The following ATAT1 variants were observed in gnomAD, a reference collection of about 807,000 sequenced individuals.
The protein encoded by ATAT1 is alpha tubulin acetyltransferase 1, also known as alpha-tubulin N-acetyltransferase 1.
In ATAT1, 42 loss-of-function variants were observed where a neutral mutation model predicts 57.2. The observed-to-expected ratio is 0.73, with a 90% confidence interval of 0.57 to 0.95. ATAT1 has a LOEUF of 0.95. ATAT1 is among the 40% of genes least tolerant of loss of function. The pLI is 0.00. For synonymous variants in ATAT1, 168 were observed against 187.1 expected (o/e 0.90, Z 0.83); for missense variants, 454 against 523.7 (o/e 0.87, Z 1.30).
Position 30,645,883 on chromosome 6 carries a change from T to C in ATAT1, c.933-12T>C. 6.8e-7 allele frequency: 1 copy of C among 1,473,772 alleles called. No individual in the cohort carries two copies. The highest frequency in any genetic ancestry group is 9.0e-7 in the Non-Finnish European group (1 of 1,112,672). The allele number at this position is 1,473,772 out of a possible 1,614,324, so 91.3% of individuals were successfully genotyped here. ...GTAGCCTCCTCCCCATCATCTCCCA[T>C]TTCTTCTACAGGGGGACTCCCCCAG... is the stretch of plus-strand genomic sequence containing the variant. On this transcript the variant is annotated splice_polypyrimidine_tract_variant and intron_variant, in intron 10 of 12. Transcript: ENST00000330083.
intron 10 of ATAT1, chr6:30,643,316 T>G: frequency 7.1e-7 from 1 of 1,414,390 alleles, no homozygotes; most frequent in Non-Finnish European, 9.2e-7. Context: ...ATTGGGAAAA[T>G]CTTCGCTTAA....
intron 12 of ATAT1, 35 bp downstream of exon 12, chr6:30,646,144 C>T (rs752981735): frequency 6.3e-7 from 1 of 1,596,802 alleles, no homozygotes. Context: ...CAGCCTCCCA[C>T]CACCATCTGA....
Position 30,642,929 on chromosome 6 carries a change from C to T in ATAT1, c.850C>T (p.Arg284Cys), listed in dbSNP as rs770015289. 4.4e-6 allele frequency: 7 copies of T among 1,608,794 alleles called. No homozygotes were observed. The highest frequency in any genetic ancestry group is 2.3e-5 in the East Asian group (1 of 44,442). The change falls in exon 10 of 13, where the codon CGC becomes TGC. Residue 284 changes from arginine to cysteine, a missense_variant. Arg to Cys is a radical substitution (Grantham distance 180). This residue lies in a region of ATAT1 where 216 missense variants were observed against 222.2 expected (regional missense o/e 0.97). Coordinates refer to ENST00000330083, the MANE Select transcript of ATAT1 (RefSeq NM_001031722.4). ...AGAGCAGGAGCTGCTGCGTTCCTTGCGCCTCTGCCCCCCACACCCTACCGC... is the reference window on the plus strand; with the variant it reads ...AGAGCAGGAGCTGCTGCGTTCCTTGTGCCTCTGCCCCCCACACCCTACCGC...
chr6:30,642,833 G>GGGGGGGCGCCCCCCCCCCCCCCCCCCC lies in ATAT1; in HGVS notation c.754_755insGGGGGGCGCCCCCCCCCCCCCCCCCCC (p.Ala252delinsGlyGlyAlaProProProProProProPro). 2 of 1,537,874 alleles carry GGGGGGGCGCCCCCCCCCCCCCCCCCCC rather than the reference G, an allele frequency of 1.3e-6. No homozygotes were observed. Among genetic ancestry groups the GGGGGGGCGCCCCCCCCCCCCCCCCCCC allele is most frequent in the Non-Finnish European group, 1.7e-6 (2 of 1,145,780 alleles). ...GGCCCCTCGCCGCGCCACACCTCCA[G>GGGGGGGCGCCCCCCCCCCCCCCCCCCC]CCCACCCACCCCCCCGCTCCAGCAG... On this transcript the variant is annotated protein_altering_variant, in exon 10 of 13. Coordinates refer to ENST00000330083, the MANE Select transcript of ATAT1 (RefSeq NM_001031722.4).
At chr6:30,630,921 A>G (rs1582766031) in intron 6 of ATAT1, among the ~76,000 whole-genome samples, 1 of 151,896 alleles carries the variant, frequency 6.6e-6, no homozygotes, top group African/African-American at 2.4e-5. Flanking sequence ...CTGGGGGACG[A>G]AGCGAGACTC....
Position 30,642,969 on chromosome 6 carries a change from C to T in ATAT1, c.890C>T (p.Ala297Val). The T allele has an allele frequency of 6.2e-7, 1 of 1,614,070 alleles. No individual in the cohort carries two copies. Among genetic ancestry groups the T allele is most frequent in the East Asian group, 2.2e-5 (1 of 44,872 alleles). Reference sequence around the variant, plus strand: ...CACCCTACCGCCCGCCTTCTGTTGGCTGCTGACCCTGGGGGCAGCCCAGCT... The same window carrying T: ...CACCCTACCGCCCGCCTTCTGTTGGTTGCTGACCCTGGGGGCAGCCCAGCT... Residue 297 changes from alanine to valine, a missense_variant, in exon 10 of 13, where the codon GCT (alanine) becomes GTT (valine). By Grantham distance (64) the Ala-to-Val change is moderately conservative (BLOSUM62 0). This residue lies in a region of ATAT1 where 216 missense variants were observed against 222.2 expected (regional missense o/e 0.97). Transcript: ENST00000330083.
chr6:30,641,978 T>A, intron 8 of ATAT1, 198 bp from the exon 9 acceptor site: 1 of 1,426,798 alleles, frequency 7.0e-7, no homozygotes, highest in South Asian at 1.5e-5. Flanking sequence ...TCCTTCTGGC[T>A]TTCCTCAACA....
intron 6 of ATAT1, 133 bp downstream of exon 6, chr6:30,628,563 T>C: frequency 1.3e-6 from 1 of 741,080 alleles, no homozygotes; most frequent in Non-Finnish European, 2.2e-6. Flanking sequence ...TTCTTTCTCT[T>C]GTGGTACCAT....
chr6:30,628,846 GC>G (rs1762220613), intron 6 of ATAT1, among the ~76,000 whole-genome samples: 1 of 150,982 alleles, frequency 6.6e-6, no homozygotes, highest in African/African-American at 2.4e-5. Flanking sequence ...CTTGTGATCT[GC>G]CCGCCTTGGC....
rs1222284146 is a variant in ATAT1 at position 30,627,559 on chromosome 6, C to T, written c.132+39C>T. 5.6e-6 allele frequency: 9 copies of T among 1,606,936 alleles called. No homozygotes were observed. In the African/African-American group the frequency reaches 6.7e-5, roughly 12 times the overall value. On this transcript the variant is annotated intron_variant, in intron 2 of 12. Coordinates refer to ENST00000330083, the MANE Select transcript of ATAT1 (RefSeq NM_001031722.4). Reference sequence around the variant, plus strand: ...TTTAGATGGAGTAAAGGGAGGACCTCTGTGGGGATGGTATATAAGGGAGGC... The same window carrying T: ...TTTAGATGGAGTAAAGGGAGGACCTTTGTGGGGATGGTATATAAGGGAGGC...
rs751512322 is a variant in ATAT1, at chr6:30,627,525, T to C, written c.132+5T>C. On this transcript the variant is annotated splice_donor_5th_base_variant and intron_variant, in intron 2 of 12. Coordinates refer to ENST00000330083, the MANE Select transcript of ATAT1 (RefSeq NM_001031722.4). Reference sequence around the variant, plus strand: ...CTGGGCAAGGCTTCTGCCAAGGTACTGGAGAGTTTTTAGATGGAGTAAAGG... The same window carrying C: ...CTGGGCAAGGCTTCTGCCAAGGTACCGGAGAGTTTTTAGATGGAGTAAAGG... 1 of 1,612,668 alleles carries C rather than the reference T, an allele frequency of 6.2e-7. No homozygotes were observed. The highest frequency in any genetic ancestry group is 1.1e-5 in the South Asian group (1 of 91,056).
intron 6 of ATAT1, among the ~76,000 whole-genome samples, chr6:30,638,613 G>A (rs1327815643): frequency 2.7e-5 from 4 of 146,968 alleles, no homozygotes; most frequent in Admixed American, 6.9e-5. Context: ...TCTCTCTGTC[G>A]CCCAGGCTGG....
chr6:30,645,895 G>T lies in ATAT1; in HGVS notation c.933G>T (p.Arg311Ser). The T allele has an allele frequency of 6.7e-7, 1 of 1,485,238 alleles. No individual in the cohort carries two copies. Among genetic ancestry groups the T allele is most frequent in the African/African-American group, 1.4e-5 (1 of 71,022 alleles). The allele number at this position is 1,485,238 out of a possible 1,614,324, so 92.0% of individuals were successfully genotyped here. ...CCATCATCTCCCATTTCTTCTACAG[G>T]GGGACTCCCCCAGGTCTGGTAGCCC... Residue 311 changes from arginine (R) to serine (S), a missense_variant and splice_region_variant, in exon 11 of 13, where the codon AGG becomes AGT. Around this residue, in one of 3 missense-constraint regions of ATAT1, gnomAD observed 216 missense variants for 222.2 expected, o/e 0.97. Transcript: ENST00000330083.
In ATAT1 at chr6:30,627,728, G is replaced by T; in HGVS notation, c.224+1G>T. 6.2e-7 allele frequency: 1 copy of T among 1,612,018 alleles called. No homozygotes were observed. The highest frequency in any genetic ancestry group is 8.5e-7 in the Non-Finnish European group (1 of 1,179,108). ...TTCTCAAAGACAGTTCAGCCCGACC[G>T]TGAGTGCCACATGCTCTTCCATCCC... On this transcript the variant is annotated splice_donor_variant, in intron 3 of 12. Transcript: ENST00000330083. LOFTEE classifies it high-confidence loss of function.
At chr6:30,644,572 T>C in intron 10 of ATAT1, 1 of 985,356 alleles carries the variant, frequency 1.0e-6, no homozygotes, top group Non-Finnish European at 1.2e-6. Context: ...CCATCTCCCC[T>C]ACTCACTCTT....
At chr6:30,642,127 AAAGT>A (rs1457384807) in intron 8 of ATAT1, 45 bp from the exon 9 acceptor site, 9 of 1,612,732 alleles carry the variant, frequency 5.6e-6, no homozygotes, top group Non-Finnish European at 7.6e-6. Flanking sequence ...GGAGGGGTGC[AAAGT>A]ATGTCTCCTA....
chr6:30,643,777 C>T, intron 10 of ATAT1: 1 of 1,372,706 alleles, frequency 7.3e-7, no homozygotes, highest in Admixed American at 3.0e-5. Flanking sequence ...CACCCCTTCT[C>T]TCCTAACTTG....
intron 6 of ATAT1, among the ~76,000 whole-genome samples, chr6:30,628,973 C>A (rs1762261127): frequency 6.6e-6 from 1 of 150,744 alleles, no homozygotes; most frequent in African/African-American, 2.4e-5. Context: ...AGGATCTTGG[C>A]TCACTGCAGC....
chr6:30,642,832 AGCCC>A lies in ATAT1; in HGVS notation c.754_757del (p.Ala252ThrfsTer66). 1.6e-6 allele frequency: 2 copies of A among 1,230,726 alleles called. No homozygotes were observed. The highest frequency in any genetic ancestry group is 1.1e-6 in the Non-Finnish European group (1 of 892,676). The allele number at this position is 1,230,726 out of a possible 1,614,324, so 76.2% of individuals were successfully genotyped here. A position where few individuals can be genotyped will look rare whatever the true frequency, so the allele number is the denominator to read the frequency against. On this transcript the variant is annotated frameshift_variant, in exon 10 of 13. Coordinates refer to ENST00000330083, the MANE Select transcript of ATAT1 (RefSeq NM_001031722.4). LOFTEE classifies it high-confidence loss of function. ...GGGCCCCTCGCCGCGCCACACCTCC[AGCCC>A]ACCCACCCCCCCGCTCCAGCAGCCT... is the stretch of plus-strand genomic sequence containing the variant.
Sources: gnomAD v4.1 joint callset for allele counts (sites outside exome capture counted in the v4.1 genomes callset) on GRCh38, gnomAD v4.1.1 for gene constraint, gnomAD v4.1.1 regional missense constraint, MANE v1.5 for transcripts, NCBI Gene and HGNC (gene_info 2026-07-23, HGNC 2026-07-21) for gene names.